The following IP6K3 variants were observed in gnomAD, a reference collection of about 807,000 sequenced individuals.
IP6K3 encodes the protein inositol hexakisphosphate kinase 3, also known as ATP:1D-myo-inositol-hexakisphosphate phosphotransferase.
IP6K3 carries 20 observed loss-of-function variants against 28.8 expected under a neutral mutation model. The ratio of observed to expected loss-of-function variants is 0.70; its 90% CI spans 0.49 to 1.01. The LOEUF (loss-of-function observed/expected upper bound fraction) is 1.01. Among genes scored for constraint, IP6K3 ranks in the 50% least tolerant of loss-of-function variants. The pLI is 0.00. For synonymous variants in IP6K3, 213 were observed against 221.3 expected, an observed-to-expected ratio of 0.96 and a Z score of 0.33; for missense variants, 480 against 537.1, an observed-to-expected ratio of 0.89 and a Z score of 1.05.
At chr6:33,728,001 G>C (rs367689471) in intron 3 of IP6K3, 86 bp downstream of exon 3, 1 of 1,539,586 alleles carries the variant, frequency 6.5e-7, no homozygotes, top group Non-Finnish European at 8.7e-7. Context: ...GCCTTAATAG[G>C]GAGTGGTTGG....
the IP6K3 span, among the ~76,000 whole-genome samples, chr6:33,760,388 C>T: frequency 6.6e-6 from 1 of 152,176 alleles, no homozygotes; most frequent in African/African-American, 2.4e-5. Context: ...CTCATATGCA[C>T]GTGTGTGCAC....
intron 1 of IP6K3, among the ~76,000 whole-genome samples, chr6:33,736,880 A>G (rs1314557189): frequency 6.6e-6 from 1 of 152,198 alleles, no homozygotes; most frequent in Non-Finnish European, 1.5e-5. Context: ...AGTTAGGGAC[A>G]TGGTTGAGAT....
intron 5 of IP6K3, among the ~76,000 whole-genome samples, chr6:33,724,617 C>T (rs563456952): frequency 2.0e-5 from 3 of 152,130 alleles, no homozygotes. Flanking sequence ...TTAACCAGAA[C>T]TGGTAGCAAA....
chr6:33,751,864 T>C (rs1024510943), upstream of IP6K3, among the ~76,000 whole-genome samples: 4 of 152,082 alleles, frequency 2.6e-5, no homozygotes, highest in African/African-American at 9.7e-5. The surrounding 1 kb of genome is among the most constrained non-coding windows in gnomAD (Gnocchi z 4.3). Flanking sequence ...CCCGGCGCCA[T>C]GTTTGGGCCT....
At chr6:33,756,276 G>A in the IP6K3 span, among the ~76,000 whole-genome samples, 5 of 152,282 alleles carry the variant, frequency 3.3e-5, no homozygotes, top group African/African-American at 9.6e-5. Flanking sequence ...TTAAATAAGC[G>A]GGTCAGGGAA....
chr6:33,723,828 CCTCTCCTTGGCACCAT>C (rs1308811759), intron 5 of IP6K3, among the ~76,000 whole-genome samples: 2 of 152,146 alleles, frequency 1.3e-5, no homozygotes, highest in Admixed American at 6.5e-5. Context: ...GCTGGTGGCT[CCTCTCCTTGGCACCAT>C]CTCTCCTCCC....
chr6:33,743,019 G>A (rs965364325), intron 1 of IP6K3, among the ~76,000 whole-genome samples: 3 of 152,100 alleles, frequency 2.0e-5, no homozygotes, highest in East Asian at 1.9e-4. Context: ...AGGAGGATGC[G>A]GGAGTGCTTG....
chr6:33,728,784 C>T (rs1415599843), intron 2 of IP6K3, among the ~76,000 whole-genome samples: 1 of 152,142 alleles, frequency 6.6e-6, no homozygotes. Context: ...TCCTGAGCAC[C>T]CTTCTTCTCC....
the IP6K3 span, among the ~76,000 whole-genome samples, chr6:33,760,349 G>A: frequency 6.6e-6 from 1 of 152,222 alleles, no homozygotes; most frequent in African/African-American, 2.4e-5. Flanking sequence ...GACCTGAAGG[G>A]TGAGGGTGCA....
chr6:33,749,373 G>C (rs1582236038), upstream of IP6K3, among the ~76,000 whole-genome samples: 2 of 152,114 alleles, frequency 1.3e-5, no homozygotes, highest in East Asian at 3.9e-4. Flanking sequence ...CCACCGTCCA[G>C]AACTGGTACT....
At chr6:33,758,588 GT>G in the IP6K3 span, among the ~76,000 whole-genome samples, 1 of 151,906 alleles carries the variant, frequency 6.6e-6, no homozygotes, top group Non-Finnish European at 1.5e-5. Context: ...GAACCAAAAA[GT>G]TTTTTTTGTT....
At chr6:33,725,684 A>G (rs1039432478) in intron 4 of IP6K3, 68 bp from the exon 5 acceptor site, 1 of 1,467,522 alleles carries the variant, frequency 6.8e-7, no homozygotes. Context: ...GGTCGTTTGC[A>G]TGCCTCAGAA....
Position 33,727,962 on chromosome 6 carries a change from T to G in IP6K3, c.413+125A>C, listed in dbSNP as rs143912396. 7.9e-5 allele frequency: 115 copies of G among 1,456,650 alleles called. No individual in the cohort carries two copies. In the African/African-American group the frequency reaches 1.5e-3, roughly 19 times the overall value. The allele number at this position is 1,456,650 out of a possible 1,614,324, so 90.2% of individuals were successfully genotyped here. A position where few individuals can be genotyped will look rare whatever the true frequency, so the allele number is the denominator to read the frequency against. On this transcript the variant is annotated intron_variant, in intron 3 of 5. Transcript: ENST00000293756. ...CACATTGGTTATTCTAGACAGAGCATTCATCTGAATTTCTTTTTCTCAGCA... is the reference window on the plus strand; with the variant it reads ...CACATTGGTTATTCTAGACAGAGCAGTCATCTGAATTTCTTTTTCTCAGCA...
chr6:33,758,071 G>A, the IP6K3 span, among the ~76,000 whole-genome samples: 2 of 152,310 alleles, frequency 1.3e-5, no homozygotes, highest in African/African-American at 2.4e-5. Flanking sequence ...AGGGCCTCAG[G>A]GCTCTGCAGG....
Position 33,722,305 on chromosome 6 carries a change from G to T in IP6K3, c.*415C>A, listed in dbSNP as rs367686376. ...GTCCATACAAGGAGAAAAACCATGA[G>T]CTCATGAACTCACTCTTCAAGGCTG... On this transcript the variant is annotated 3_prime_UTR_variant, in exon 6 of 6. Transcript: ENST00000293756. 1.2e-4 allele frequency: 20 copies of T among 170,516 alleles called. No individual in the cohort carries two copies. In the South Asian group the frequency reaches 1.5e-3, roughly 13 times the overall value. The allele number at this position is 170,516 out of a possible 1,614,324, so 10.6% of individuals were successfully genotyped here. A position where few individuals can be genotyped will look rare whatever the true frequency, so the allele number is the denominator to read the frequency against.
intron 5 of IP6K3, among the ~76,000 whole-genome samples, chr6:33,723,709 G>A (rs1207162330): frequency 1.3e-5 from 2 of 152,214 alleles, no homozygotes; most frequent in African/African-American, 2.4e-5. Flanking sequence ...GGGGTGAATT[G>A]TTTGAAGATA....
chr6:33,745,939 T>C (rs1369521586), intron 1 of IP6K3, among the ~76,000 whole-genome samples: 2 of 152,186 alleles, frequency 1.3e-5, no homozygotes, highest in East Asian at 1.9e-4. Context: ...TTGAAGTTTT[T>C]CATAATAAAA....
the IP6K3 span, among the ~76,000 whole-genome samples, chr6:33,755,416 G>A: frequency 2.0e-5 from 3 of 152,240 alleles, no homozygotes; most frequent in Admixed American, 6.5e-5. Context: ...GGGCAGCCTC[G>A]AGCAGATGGA....
intron 5 of IP6K3, among the ~76,000 whole-genome samples, chr6:33,724,258 G>A (rs913176931): frequency 3.9e-5 from 6 of 152,234 alleles, no homozygotes; most frequent in East Asian, 3.8e-4. Context: ...GAGGTCCAGA[G>A]AGAGATTCCA....
Sources: allele counts gnomAD v4.1 joint callset (sites outside exome capture counted in the v4.1 genomes callset), GRCh38; gene constraint gnomAD v4.1.1; non-coding constraint Gnocchi (gnomAD v3.1); transcripts MANE v1.5; gene names NCBI Gene and HGNC (gene_info 2026-07-23, HGNC 2026-07-21).